Variants in PTPRK observed in about 807,000 individuals in gnomAD.
PTPRK encodes receptor-type tyrosine-protein phosphatase kappa.
In PTPRK, 75 loss-of-function variants were observed where a neutral mutation model predicts 178.0. The ratio of observed to expected loss-of-function variants is 0.42; its 90% CI spans 0.35 to 0.51. The LOEUF is 0.51. PTPRK is among the 20% of genes least tolerant of loss of function. The probability of loss-of-function intolerance (pLI) is 0.02; values close to 1 mark genes in which losing one functional copy is unlikely to be tolerated. For synonymous variants in PTPRK, 637 were observed against 620.6 expected (o/e 1.03, Z -0.39); for missense variants, 1,441 against 1,797.8 (o/e 0.80, Z 3.59).
At chr6:128,263,386 G>T (rs1378885369) in intron 3 of PTPRK, among the ~76,000 whole-genome samples, 2 of 152,142 alleles carry the variant, frequency 1.3e-5, no homozygotes, top group African/African-American at 2.4e-5. Context: ...GGCAGGGAAT[G>T]ACAGATCATG....
At chr6:128,171,055 T>C (rs148507025) in intron 7 of PTPRK, among the ~76,000 whole-genome samples, 5 of 152,066 alleles carry the variant, frequency 3.3e-5, no homozygotes, top group African/African-American at 1.2e-4. Context: ...ATATAATGTA[T>C]AATGATGTAC....
intron 13 of PTPRK, among the ~76,000 whole-genome samples, chr6:128,033,437 G>A (rs773602056): frequency 1.2e-4 from 18 of 152,210 alleles, no homozygotes; most frequent in Non-Finnish European, 2.1e-4. Context: ...TCCACTGCCA[G>A]ATTTCTGAGG....
intron 1 of PTPRK, among the ~76,000 whole-genome samples, chr6:128,517,206 C>T (rs902584152): frequency 1.3e-5 from 2 of 151,908 alleles, no homozygotes; most frequent in East Asian, 1.9e-4. Context: ...GATTACACCC[C>T]AGATAGCTGC....
At chr6:127,972,560 A>G (rs935593400) in intron 29 of PTPRK, among the ~76,000 whole-genome samples, 22 of 152,226 alleles carry the variant, frequency 1.4e-4, no homozygotes, top group African/African-American at 4.1e-4. Context: ...AAACTTAACC[A>G]TGATAGTTTA....
intron 3 of PTPRK, among the ~76,000 whole-genome samples, chr6:128,317,843 A>T (rs1350011888): frequency 1.3e-5 from 2 of 152,132 alleles, no homozygotes; most frequent in African/African-American, 4.8e-5. Context: ...ATTGACCAGA[A>T]CTGTGTCGCA....
At chr6:128,221,306 C>T (rs1330048985) in intron 5 of PTPRK, among the ~76,000 whole-genome samples, 1 of 151,400 alleles carries the variant, frequency 6.6e-6, no homozygotes, top group Non-Finnish European at 1.5e-5. Context: ...GGCTGGATCA[C>T]GAGGTCAGGA....
At chr6:128,486,786 A>C (rs1562620034) in intron 1 of PTPRK, among the ~76,000 whole-genome samples, 8 of 151,644 alleles carry the variant, frequency 5.3e-5, no homozygotes. Flanking sequence ...GAAAGAAAGA[A>C]AGACAGAAAG....
rs1301884029 is a variant in PTPRK, at chr6:128,519,054, C to T, written c.100+1205G>A. ...GCCAGGAGCGTGGCTGTCGCTTTTC[C>T]CGTCTTCTCCATCACCCTCTGGCCA... On this transcript the variant is annotated intron_variant, in intron 1 of 29. Coordinates refer to ENST00000368226, the MANE Select transcript of PTPRK (RefSeq NM_002844.4). The surrounding 1 kb of genome is among the most constrained non-coding windows in gnomAD (Gnocchi z 4.3). 1 of 532,258 alleles carries T rather than the reference C, an allele frequency of 1.9e-6. No individual in the cohort carries two copies. Among genetic ancestry groups the T allele is most frequent in the South Asian group, 1.4e-5 (1 of 71,068 alleles). The allele number at this position is 532,258 out of a possible 1,614,324, so 33.0% of individuals were successfully genotyped here.
intron 7 of PTPRK, among the ~76,000 whole-genome samples, chr6:128,095,384 T>C (rs1222239638): frequency 6.6e-6 from 1 of 152,202 alleles, no homozygotes; most frequent in African/African-American, 2.4e-5. Flanking sequence ...TTGTGTTTAG[T>C]GTACTCAAGC....
rs1562689729 is a variant in PTPRK at position 128,519,825 on chromosome 6, C to T, written c.100+434G>A. ...AGCACCTGGCAAAGCGCGCCGAGGT[C>T]AGTCCCTTCGAATCTCCACATTTCT... On this transcript the variant is annotated intron_variant, in intron 1 of 29. Transcript: ENST00000368226. This position sits in a 1 kb window ranked among gnomAD's most constrained non-coding sequence, Gnocchi z 4.3. Among the ~76,000 whole-genome samples, 1 of 152,220 alleles carries T rather than the reference C, an allele frequency of 6.6e-6. No individual in the cohort carries two copies. The highest frequency in any genetic ancestry group is 1.5e-5 in the Non-Finnish European group (1 of 68,044).
intron 13 of PTPRK, among the ~76,000 whole-genome samples, chr6:128,049,246 G>C (rs1340546120): frequency 6.6e-6 from 1 of 151,984 alleles, no homozygotes. Flanking sequence ...TAAGTAACAA[G>C]GTTTGTTCTA....
At chr6:128,211,551 G>A (rs1583502136) in intron 6 of PTPRK, among the ~76,000 whole-genome samples, 1 of 151,944 alleles carries the variant, frequency 6.6e-6, no homozygotes, top group Admixed American at 6.6e-5. Context: ...ATTATTATTT[G>A]CTTTATTTGT....
chr6:128,220,134 A>C (rs1046228995), intron 5 of PTPRK, among the ~76,000 whole-genome samples: 3 of 152,208 alleles, frequency 2.0e-5, no homozygotes, highest in African/African-American at 7.2e-5. Context: ...AAAATTTATA[A>C]CCTCTATATG....
At chr6:128,356,466 C>T (rs960964408) in intron 2 of PTPRK, among the ~76,000 whole-genome samples, 2 of 152,168 alleles carry the variant, frequency 1.3e-5, no homozygotes, top group African/African-American at 4.8e-5. Context: ...TTTCATTTCT[C>T]ATCCTACTGT....
At chr6:128,306,359 AC>A in intron 3 of PTPRK, among the ~76,000 whole-genome samples, 1 of 152,340 alleles carries the variant, frequency 6.6e-6, no homozygotes, top group Middle Eastern at 3.4e-3. Flanking sequence ...ATAAGTGAAA[AC>A]AAAAATGCAA....
chr6:128,103,799 A>G (rs1043838031), intron 7 of PTPRK, among the ~76,000 whole-genome samples: 2 of 152,108 alleles, frequency 1.3e-5, no homozygotes, highest in Non-Finnish European at 2.9e-5. Context: ...ACCATATCAA[A>G]TGAACCCTGC....
chr6:128,269,520 T>TA (rs113312853), intron 3 of PTPRK, among the ~76,000 whole-genome samples: 33 of 141,956 alleles, frequency 2.3e-4, no homozygotes, highest in African/African-American at 2.8e-4. Flanking sequence ...AAAATAAATT[T>TA]AAAAAAAAAA....
chr6:128,167,426 C>T (rs950054300), intron 7 of PTPRK, among the ~76,000 whole-genome samples: 1 of 151,710 alleles, frequency 6.6e-6, no homozygotes, highest in African/African-American at 2.4e-5. Context: ...AAATTGTTTT[C>T]TTATATATTA....
At chr6:128,089,362 T>C (rs1212858986) in intron 8 of PTPRK, among the ~76,000 whole-genome samples, 1 of 152,242 alleles carries the variant, frequency 6.6e-6, no homozygotes, top group African/African-American at 2.4e-5. Context: ...ATTTTACCAA[T>C]AGGCAATTGA....
Sources: allele counts gnomAD v4.1 joint callset (sites outside exome capture counted in the v4.1 genomes callset), GRCh38; gene constraint gnomAD v4.1.1; non-coding constraint Gnocchi (gnomAD v3.1); transcripts MANE v1.5; gene names NCBI Gene and HGNC (gene_info 2026-07-23, HGNC 2026-07-21).